The following BORCS5 variants were observed in gnomAD, a reference collection of about 807,000 sequenced individuals.
BORCS5 encodes the protein BLOC-1 related complex subunit 5.
Under a neutral mutation model 22.1 loss-of-function variants are expected in BORCS5, and 17 were observed. The ratio of observed to expected loss-of-function variants is 0.77; its 90% CI spans 0.53 to 1.15. The LOEUF is 1.15. Ranked by LOEUF, BORCS5 falls within the 50% of genes most tolerant of loss-of-function variation. BORCS5 has a pLI of 0.00. For synonymous variants in BORCS5, 117 were observed against 99.8 expected (o/e 1.17, Z -1.03); for missense variants, 247 against 253.2 (o/e 0.98, Z 0.17).
intron 2 of BORCS5, among the ~76,000 whole-genome samples, chr12:12,406,510 T>C (rs368539654): frequency 5.9e-4 from 90 of 152,338 alleles, no homozygotes; most frequent in African/African-American, 2.0e-3. Context: ...GTTACCCCTT[T>C]GAGCAAGAAA....
chr12:12,368,256 T>A (rs1190375869), intron 2 of BORCS5, among the ~76,000 whole-genome samples: 1 of 151,298 alleles, frequency 6.6e-6, no homozygotes, highest in Non-Finnish European at 1.5e-5. Flanking sequence ...TTATGATACC[T>A]CCCCACCCAG....
chr12:12,417,361 GACTT>G (rs1448264817), intron 2 of BORCS5, among the ~76,000 whole-genome samples: 1 of 152,108 alleles, frequency 6.6e-6, no homozygotes, highest in Non-Finnish European at 1.5e-5. Context: ...AATCTTTTGA[GACTT>G]AATCTGTGAC....
intron 2 of BORCS5, among the ~76,000 whole-genome samples, chr12:12,382,677 C>T (rs969622842): frequency 6.0e-5 from 9 of 150,586 alleles, no homozygotes; most frequent in African/African-American, 9.8e-5. Flanking sequence ...GGATTACAGG[C>T]GCGTGCCAGC....
chr12:12,408,578 G>T (rs1257773138), intron 2 of BORCS5, among the ~76,000 whole-genome samples: 2 of 152,008 alleles, frequency 1.3e-5, no homozygotes, highest in African/African-American at 2.4e-5. Flanking sequence ...TCCCAGCCCT[G>T]GTAACCACTG....
At chr12:12,424,294 C>T (rs1942223824) in intron 2 of BORCS5, among the ~76,000 whole-genome samples, 1 of 152,146 alleles carries the variant, frequency 6.6e-6, no homozygotes, top group African/African-American at 2.4e-5. Context: ...TTCACTCATT[C>T]TTTCTTCTGC....
chr12:12,414,537 T>G (rs1489387879), intron 2 of BORCS5, among the ~76,000 whole-genome samples: 15 of 50,090 alleles, frequency 3.0e-4, no homozygotes, highest in African/African-American at 6.5e-4. Context: ...CCTCCCAGAC[T>G]GGGCGGCTGG....
At chr12:12,389,781 T>A (rs771254355) in intron 2 of BORCS5, among the ~76,000 whole-genome samples, 6 of 152,076 alleles carry the variant, frequency 3.9e-5, no homozygotes, top group Non-Finnish European at 8.8e-5. Context: ...GTAGCAGGGA[T>A]TACAGGCACA....
intron 3 of BORCS5, among the ~76,000 whole-genome samples, chr12:12,458,967 G>A (rs983658499): frequency 5.9e-5 from 9 of 151,482 alleles, no homozygotes; most frequent in Non-Finnish European, 8.8e-5. Flanking sequence ...GCCAGACTCC[G>A]TCTCAAAAAA....
Position 12,465,793 on chromosome 12 carries a change from C to G in BORCS5, c.*17C>G, listed in dbSNP as rs1404405441. Reference sequence around the variant, plus strand: ...AGGCTGTAGCTGCTGCCCGGCCTGCCTGGGGCTGGGAGCCCCAGACACCGA... The same window carrying G: ...AGGCTGTAGCTGCTGCCCGGCCTGCGTGGGGCTGGGAGCCCCAGACACCGA... On this transcript the variant is annotated 3_prime_UTR_variant, in exon 4 of 4. Transcript: ENST00000314565. The G allele has an allele frequency of 7.5e-6, 12 of 1,600,510 alleles. No individual in the cohort carries two copies. In the South Asian group the frequency reaches 1.1e-4, roughly 15 times the overall value.
intron 3 of BORCS5, among the ~76,000 whole-genome samples, chr12:12,443,151 GACA>G (rs138020152): frequency 0.016 from 2,434 of 152,302 alleles, 61 homozygotes; most frequent in African/African-American, 0.055. Context: ...TCCTTTAAAT[GACA>G]ACATTGTTAG....
intron 2 of BORCS5, among the ~76,000 whole-genome samples, chr12:12,403,068 T>C (rs1196054933): frequency 6.6e-6 from 1 of 152,190 alleles, no homozygotes; most frequent in Non-Finnish European, 1.5e-5. Flanking sequence ...ATTTCCCTTT[T>C]TTTTTTTGCA....
intron 3 of BORCS5, among the ~76,000 whole-genome samples, chr12:12,453,066 G>A (rs1270980860): frequency 6.6e-6 from 1 of 152,104 alleles, no homozygotes; most frequent in East Asian, 1.9e-4. Flanking sequence ...CACAAGCACC[G>A]GGTTTGCAAA....
intron 3 of BORCS5, among the ~76,000 whole-genome samples, chr12:12,446,938 G>A (rs1041835616): frequency 1.2e-4 from 19 of 152,162 alleles, no homozygotes; most frequent in African/African-American, 3.4e-4. Context: ...ATCAAATGCA[G>A]CCAGACAAGG....
At chr12:12,412,209 T>C (rs1312823065) in intron 2 of BORCS5, among the ~76,000 whole-genome samples, 1 of 152,224 alleles carries the variant, frequency 6.6e-6, no homozygotes, top group Non-Finnish European at 1.5e-5. Flanking sequence ...TCACTTTTGG[T>C]AATATTGACA....
intron 2 of BORCS5, among the ~76,000 whole-genome samples, chr12:12,392,859 T>C (rs1941232113): frequency 6.6e-6 from 1 of 152,126 alleles, no homozygotes; most frequent in African/African-American, 2.4e-5. Flanking sequence ...GGCACCCATG[T>C]AATATTAGAA....
At chr12:12,397,828 C>T (rs1043246757) in intron 2 of BORCS5, among the ~76,000 whole-genome samples, 6 of 152,200 alleles carry the variant, frequency 3.9e-5, no homozygotes, top group African/African-American at 1.4e-4. Flanking sequence ...TTAGGGGTCA[C>T]TCCTTCTTCA....
At chr12:12,457,919 T>C (rs974574314) in intron 3 of BORCS5, among the ~76,000 whole-genome samples, 1 of 152,210 alleles carries the variant, frequency 6.6e-6, no homozygotes, top group African/African-American at 2.4e-5. Flanking sequence ...GTGTCATGAA[T>C]AGCCGCTCCT....
chr12:12,451,983 G>A (rs1042327617), intron 3 of BORCS5: 3 of 243,188 alleles, frequency 1.2e-5, no homozygotes, highest in African/African-American at 2.4e-5. Context: ...ATTTTACACA[G>A]CTTTTATACA....
chr12:12,456,367 G>A (rs1942998439), intron 3 of BORCS5, among the ~76,000 whole-genome samples: 1 of 152,162 alleles, frequency 6.6e-6, no homozygotes, highest in Non-Finnish European at 1.5e-5. Context: ...GGAGTTCAAG[G>A]CTCCCGTGAG....
Sources: allele counts gnomAD v4.1 joint callset (sites outside exome capture counted in the v4.1 genomes callset), GRCh38; gene constraint gnomAD v4.1.1; transcripts MANE v1.5; gene names NCBI Gene and HGNC (gene_info 2026-07-23, HGNC 2026-07-21).